PHKB: variants seen among roughly 807,000 people sequenced by gnomAD.
The protein encoded by PHKB is phosphorylase kinase regulatory subunit beta, also known as phosphorylase b kinase regulatory subunit beta.
A neutral mutation model predicts 152.1 loss-of-function variants in PHKB; 122 were observed. The observed-to-expected ratio is 0.80, with a 90% CI of 0.69 to 0.93. PHKB has a LOEUF of 0.93. Among genes scored for constraint, PHKB ranks in the 40% least tolerant of loss-of-function variants. PHKB has a pLI of 0.00. For synonymous variants in PHKB, 436 were observed against 464.9 expected (o/e 0.94, Z 0.80); for missense variants, 1,304 against 1,328.4 (o/e 0.98, Z 0.29).
chr16:47,581,541 A>G (rs1971845978), intron 8 of PHKB, among the ~76,000 whole-genome samples: 1 of 152,210 alleles, frequency 6.6e-6, no homozygotes, highest in African/African-American at 2.4e-5. Flanking sequence ...ACTAAGCCTC[A>G]GCTTCCTCGT....
intron 7 of PHKB, among the ~76,000 whole-genome samples, chr16:47,549,325 A>C (rs551074329): frequency 6.6e-6 from 1 of 152,194 alleles, no homozygotes; most frequent in African/African-American, 2.4e-5. Context: ...TAAGCATTTA[A>C]TATATGTCAG....
intron 6 of PHKB, among the ~76,000 whole-genome samples, chr16:47,532,325 G>A (rs994658620): frequency 1.3e-5 from 2 of 152,234 alleles, no homozygotes; most frequent in Admixed American, 1.3e-4. Flanking sequence ...CACCAGTTCA[G>A]CGTTTAGATG....
At chr16:47,552,346 T>TTTCCATA (rs1971287099) in intron 7 of PHKB, among the ~76,000 whole-genome samples, 1 of 152,208 alleles carries the variant, frequency 6.6e-6, no homozygotes, top group Non-Finnish European at 1.5e-5. Context: ...TTGCAGTGGC[T>TTTCCATA]GGTATTGGTT....
intron 8 of PHKB, among the ~76,000 whole-genome samples, chr16:47,583,373 T>C (rs956242889): frequency 1.3e-5 from 2 of 152,174 alleles, no homozygotes; most frequent in African/African-American, 4.8e-5. Flanking sequence ...TGTATATACT[T>C]AAAAGAGCTG....
At chr16:47,595,728 C>T (rs992358487) in intron 12 of PHKB, among the ~76,000 whole-genome samples, 7 of 152,126 alleles carry the variant, frequency 4.6e-5, no homozygotes, top group Non-Finnish European at 1.0e-4. Context: ...TTTGTTGATT[C>T]ATTTAAAGGT....
intron 25 of PHKB, among the ~76,000 whole-genome samples, chr16:47,667,814 G>C (rs981052662): frequency 2.0e-5 from 3 of 152,142 alleles, no homozygotes; most frequent in African/African-American, 7.2e-5. Flanking sequence ...GTTAGGGTTG[G>C]TTCTGTCCAA....
intron 7 of PHKB, chr16:47,565,152 A>T (rs1971544232): frequency 5.5e-6 from 3 of 549,078 alleles, no homozygotes; most frequent in Admixed American, 2.0e-5. Context: ...TTGCTTGCAG[A>T]ACTGAACTTG....
At chr16:47,683,529 C>A (rs912307619) in intron 26 of PHKB, among the ~76,000 whole-genome samples, 6 of 152,186 alleles carry the variant, frequency 3.9e-5, no homozygotes, top group Non-Finnish European at 8.8e-5. Flanking sequence ...TGCTAGCAAT[C>A]AGCGAGACTC....
chr16:47,482,513 A>G (rs1387076446), intron 1 of PHKB, among the ~76,000 whole-genome samples: 1 of 152,224 alleles, frequency 6.6e-6, no homozygotes, highest in Non-Finnish European at 1.5e-5. Flanking sequence ...TAACATTCAC[A>G]TTAAATGTAC....
chr16:47,698,545 A>G lies in PHKB; in HGVS notation c.3101A>G (p.Glu1034Gly). 1 of 1,609,244 alleles carries G rather than the reference A, an allele frequency of 6.2e-7. No individual in the cohort carries two copies. Among genetic ancestry groups the G allele is most frequent in the Non-Finnish European group, 8.5e-7 (1 of 1,176,954 alleles). Residue 1034 changes from glutamate (E) to glycine (G), a missense_variant, in exon 30 of 31, where the codon GAA becomes GGA. Transcript: ENST00000323584. ...LDRLVKEAFNEFQKDQSRLKE... is the reference protein window; with the variant it reads ...LDRLVKEAFNGFQKDQSRLKE... ...AGACTGGTCAAAGAAGCATTTAATGAATTTCAAAAAGATCAGAGTCGGCTA... is the reference window on the plus strand; with the variant it reads ...AGACTGGTCAAAGAAGCATTTAATGGATTTCAAAAAGATCAGAGTCGGCTA...
intron 7 of PHKB, among the ~76,000 whole-genome samples, chr16:47,554,406 G>C (rs1220918624): frequency 1.3e-5 from 2 of 152,182 alleles, no homozygotes; most frequent in East Asian, 1.9e-4. Flanking sequence ...TCAGACTGCT[G>C]TGCTGGCAAC....
intron 4 of PHKB, among the ~76,000 whole-genome samples, chr16:47,510,758 T>TTTTCCTCTTTC: frequency 6.6e-6 from 1 of 152,350 alleles, no homozygotes; most frequent in South Asian, 2.1e-4. Context: ...AAGATGGTTC[T>TTTTCCTCTTTC]ATATAGTTTC....
chr16:47,507,128 C>G (rs963434807), intron 4 of PHKB, among the ~76,000 whole-genome samples: 1 of 152,128 alleles, frequency 6.6e-6, no homozygotes, highest in African/African-American at 2.4e-5. Flanking sequence ...CATGCACCAA[C>G]ACACCCAGCT....
At chr16:47,548,923 A>C (rs539942968) in intron 7 of PHKB, among the ~76,000 whole-genome samples, 1 of 152,338 alleles carries the variant, frequency 6.6e-6, no homozygotes, top group East Asian at 1.9e-4. Flanking sequence ...ATGCTAGTGT[A>C]CTTACACATT....
chr16:47,503,696 G>A (rs1050524317), intron 4 of PHKB, among the ~76,000 whole-genome samples: 10 of 152,082 alleles, frequency 6.6e-5, no homozygotes, highest in Non-Finnish European at 1.2e-4. Flanking sequence ...GGGCATGGTG[G>A]TGTGCACCTG....
intron 7 of PHKB, among the ~76,000 whole-genome samples, chr16:47,574,476 C>T (rs1225305832): frequency 6.6e-6 from 1 of 152,200 alleles, no homozygotes; most frequent in East Asian, 1.9e-4. Context: ...CAGCATAAAT[C>T]TCTGCACGTT....
chr16:47,475,255 T>C (rs1196696169), intron 1 of PHKB, among the ~76,000 whole-genome samples: 22 of 152,336 alleles, frequency 1.4e-4, no homozygotes, highest in Admixed American at 1.4e-3. Flanking sequence ...TTTACTGTGA[T>C]CTTTGATTTT....
intron 1 of PHKB, among the ~76,000 whole-genome samples, chr16:47,465,221 G>T (rs1022094940): frequency 7.2e-5 from 11 of 152,150 alleles, no homozygotes; most frequent in African/African-American, 2.4e-4. Flanking sequence ...AAGAACAGGA[G>T]GACATATATC....
At chr16:47,488,082 G>A (rs945811847) in intron 1 of PHKB, among the ~76,000 whole-genome samples, 30 of 152,018 alleles carry the variant, frequency 2.0e-4, no homozygotes, top group African/African-American at 6.3e-4. Context: ...CTTTTTTTCC[G>A]CAGCTTTGCC....
Sources: allele counts gnomAD v4.1 joint callset (sites outside exome capture counted in the v4.1 genomes callset), GRCh38; gene constraint gnomAD v4.1.1; transcripts MANE v1.5; gene names NCBI Gene and HGNC (gene_info 2026-07-23, HGNC 2026-07-21).